The following MAMSTR variants were observed in gnomAD, a reference collection of about 807,000 sequenced individuals.
MAMSTR encodes MEF2 activating motif and SAP domain containing transcriptional regulator, also known as MEF2-activating motif and SAP domain-containing transcriptional regulator.
In MAMSTR, 41 loss-of-function variants were observed where a neutral mutation model predicts 42.7. The observed-to-expected ratio is 0.96, with a 90% confidence interval of 0.75 to 1.25. The LOEUF (loss-of-function observed/expected upper bound fraction) is 1.25, where lower values mean the gene tolerates loss of function less well. Among genes scored for constraint, MAMSTR ranks in the 50% most tolerant of loss-of-function variants. The pLI, the probability that MAMSTR is intolerant of heterozygous loss-of-function variation, is 0.00. For missense variants in MAMSTR, 567 were observed against 557.6 expected, an observed-to-expected ratio of 1.02 and a Z score of -0.17; for synonymous variants, 265 against 244.1, an observed-to-expected ratio of 1.09 and a Z score of -0.80.
At position 48,713,223 on chromosome 19, in the gene MAMSTR, C is replaced by T. The variant is rs759958885; in HGVS notation, c.*44G>A. 2 of 1,526,276 alleles carry T rather than the reference C, an allele frequency of 1.3e-6. No individual in the cohort carries two copies. Among genetic ancestry groups the T allele is most frequent in the Admixed American group, 4.5e-5 (2 of 44,232 alleles). 94.5% of individuals were successfully genotyped at this position (1,526,276 alleles called of 1,614,324 possible). On this transcript the variant is annotated 3_prime_UTR_variant, in exon 10 of 10. Coordinates refer to ENST00000318083, the MANE Select transcript of MAMSTR (RefSeq NM_001130915.2). ...CCCTCTCCTCCCACAAGGAGCTTCTCTCCACCCCCATCAGTTCTCTGTCTC... is the reference window on the plus strand; with the variant it reads ...CCCTCTCCTCCCACAAGGAGCTTCTTTCCACCCCCATCAGTTCTCTGTCTC...
chr19:48,716,680 C>A, intron 3 of MAMSTR, 25 bp downstream of exon 3: 1 of 1,331,820 alleles, frequency 7.5e-7, no homozygotes, highest in Non-Finnish European at 9.7e-7. Flanking sequence ...GTCACCATCC[C>A]CTCCCTTTTG....
At chr19:48,715,230 G>T in intron 5 of MAMSTR, 32 bp downstream of exon 5, 1 of 1,548,256 alleles carries the variant, frequency 6.5e-7, no homozygotes, top group East Asian at 2.3e-5. Flanking sequence ...CTGAATTTCT[G>T]GGTCCCGGGA....
At chr19:48,715,901 G>A in intron 3 of MAMSTR, 134 bp from the exon 4 acceptor site, 1 of 1,449,958 alleles carries the variant, frequency 6.9e-7, no homozygotes, top group Non-Finnish European at 9.0e-7. Flanking sequence ...GCTGGGAGAT[G>A]GGCGCCTGAA....
the MAMSTR span, among the ~76,000 whole-genome samples, chr19:48,706,668 T>G: frequency 6.6e-6 from 1 of 152,060 alleles, no homozygotes; most frequent in Non-Finnish European, 1.5e-5. Flanking sequence ...TTACAACGAT[T>G]TTTTAGATCT....
chr19:48,717,295 G>GT (rs963505776), intron 2 of MAMSTR, among the ~76,000 whole-genome samples: 172 of 149,306 alleles, frequency 1.2e-3, no homozygotes, highest in Middle Eastern at 3.4e-3. Context: ...TGTTAACACT[G>GT]TTTTTTTTTC....
At chr19:48,708,231 CAA>C (rs66744711), downstream of MAMSTR, among the ~76,000 whole-genome samples, 1,318 of 118,604 alleles carry the variant, frequency 0.011, 8 homozygotes, top group African/African-American at 0.037. Flanking sequence ...TGAACTCCAT[CAA>C]AAAAAAAAAA....
rs1051302607 is a variant in MAMSTR at position 48,719,341 on chromosome 19, G to A, written c.-21-289C>T. On this transcript the variant is annotated intron_variant, in intron 1 of 9. Transcript: ENST00000318083. The surrounding 1 kb of genome is among the most constrained non-coding windows in gnomAD (Gnocchi z 4.4). ...CTGGGAGGGGAGGGACCTGGAATCT[G>A]GGACTCCTGGGTCCTGAGGAGGAAG... Among the ~76,000 whole-genome samples, 1 of 152,064 alleles carries A rather than the reference G, an allele frequency of 6.6e-6. No homozygotes were observed. The highest frequency in any genetic ancestry group is 1.9e-4 in the East Asian group (1 of 5,178).
chr19:48,714,544 T>C lies in MAMSTR; in HGVS notation c.545A>G (p.Gln182Arg), dbSNP rs2122303951. ...TGGGAGGCCCCGCAGGCGCAGCTGC[T>C]GCCGGAGCTCTGAGACCTGGGGAGG... ...LEELTVSELR[Q>R]QLRLRGLPVS... Residue 182 changes from glutamine (Q) to arginine (R), a missense_variant, in exon 7 of 10, where the codon CAG becomes CGG. Gln to Arg is a conservative substitution (Grantham distance 43). Coordinates refer to ENST00000318083, the MANE Select transcript of MAMSTR (RefSeq NM_001130915.2). 5 of 1,459,866 alleles carry C rather than the reference T, an allele frequency of 3.4e-6. No homozygotes were observed. Among genetic ancestry groups the C allele is most frequent in the African/African-American group, 2.9e-5 (2 of 69,142 alleles). 90.4% of individuals were successfully genotyped at this position (1,459,866 alleles called of 1,614,324 possible).
chr19:48,717,749 G>C (rs1017461786), intron 2 of MAMSTR, among the ~76,000 whole-genome samples: 4 of 151,946 alleles, frequency 2.6e-5, no homozygotes, highest in African/African-American at 9.7e-5. Flanking sequence ...CTGTCACCCA[G>C]GCTGGAGTGC....
downstream of MAMSTR, among the ~76,000 whole-genome samples, chr19:48,710,256 C>T (rs900713125): frequency 5.4e-5 from 8 of 148,872 alleles, 1 homozygote; most frequent in Admixed American, 2.7e-4. Flanking sequence ...AGGTGTGCAC[C>T]ACCACACCTG....
downstream of MAMSTR, among the ~76,000 whole-genome samples, chr19:48,710,777 C>T (rs1209640437): frequency 6.6e-6 from 1 of 151,496 alleles, no homozygotes; most frequent in Non-Finnish European, 1.5e-5. Context: ...TTACTGGAGA[C>T]TGGGTTTCAC....
In MAMSTR at chr19:48,715,616, G is replaced by T. The variant is rs1449835927; in HGVS notation, c.240+9C>A. The T allele has an allele frequency of 6.5e-7, 1 of 1,532,880 alleles. No individual in the cohort carries two copies. The highest frequency in any genetic ancestry group is 1.4e-5 in the African/African-American group (1 of 71,278). The allele number at this position is 1,532,880 out of a possible 1,614,324, so 95.0% of individuals were successfully genotyped here. On this transcript the variant is annotated intron_variant, in intron 4 of 9. Transcript: ENST00000318083. ...CTCAGAGGGACCTCTCCCTCCAGTCGAGACTCACCTTCTTTGGGGACCTCC... is the reference window on the plus strand; with the variant it reads ...CTCAGAGGGACCTCTCCCTCCAGTCTAGACTCACCTTCTTTGGGGACCTCC...
downstream of MAMSTR, among the ~76,000 whole-genome samples, chr19:48,710,414 CTTTTTTT>C (rs551847729): frequency 9.6e-6 from 1 of 103,766 alleles, no homozygotes; most frequent in Admixed American, 1.1e-4. Flanking sequence ...TGGGCCCAAT[CTTTTTTT>C]TTTTTTTTTT....
At chr19:48,707,838 G>GGGAA (rs2032667124), downstream of MAMSTR, among the ~76,000 whole-genome samples, 1 of 90,902 alleles carries the variant, frequency 1.1e-5, no homozygotes, top group African/African-American at 4.7e-5. Flanking sequence ...AAGAAAGAAA[G>GGGAA]GAAAGAAAGA....
chr19:48,707,888 A>AAAGAAAGAAAGAAAGAAAGAAAGG (rs776827691), downstream of MAMSTR, among the ~76,000 whole-genome samples: 3 of 80,418 alleles, frequency 3.7e-5, no homozygotes, highest in African/African-American at 1.1e-4. Context: ...AGAAAGAAAG[A>AAAGAAAGAAAGAAAGAAAGAAAGG]AAAGAAAGAA....
intron 2 of MAMSTR, 67 bp downstream of exon 2, chr19:48,718,907 C>A: frequency 7.6e-7 from 1 of 1,318,114 alleles, no homozygotes; most frequent in South Asian, 1.3e-5. Context: ...CCACCCCTCC[C>A]TTCCCACCCC....
At position 48,719,150 on chromosome 19, in the gene MAMSTR, C is replaced by T. The variant is rs1293137220; in HGVS notation, c.-21-98G>A. 2 of 832,880 alleles carry T rather than the reference C, an allele frequency of 2.4e-6. No individual in the cohort carries two copies. Among genetic ancestry groups the T allele is most frequent in the East Asian group, 2.7e-5 (1 of 37,054 alleles). The allele number at this position is 832,880 out of a possible 1,614,324, so 51.6% of individuals were successfully genotyped here. On this transcript the variant is annotated intron_variant, in intron 1 of 9. Coordinates refer to ENST00000318083, the MANE Select transcript of MAMSTR (RefSeq NM_001130915.2). The surrounding 1 kb of genome is among the most constrained non-coding windows in gnomAD (Gnocchi z 4.4). ...GAGAGTGAATTCAGCAGGGAAAGGG[C>T]CCGAAGGAGGTGGGAATAGGAGCAG... is the stretch of plus-strand genomic sequence containing the variant.
At chr19:48,718,070 T>C (rs2033113442) in intron 2 of MAMSTR, among the ~76,000 whole-genome samples, 1 of 152,180 alleles carries the variant, frequency 6.6e-6, no homozygotes, top group Non-Finnish European at 1.5e-5. Context: ...CTTGAACTCC[T>C]GACCTCAGGT....
In MAMSTR at chr19:48,714,048, A is replaced by C; in HGVS notation, c.724-3T>G. On this transcript the variant is annotated splice_region_variant and splice_polypyrimidine_tract_variant and intron_variant, in intron 7 of 9. Transcript: ENST00000318083. ...TGAGATGCTGCGCTGGGCTTGACCT[A>C]GAGCAGCCAAGAGGGCGAGCGCCCA... 1 of 1,572,576 alleles carries C rather than the reference A, an allele frequency of 6.4e-7. No homozygotes were observed. The highest frequency in any genetic ancestry group is 8.6e-7 in the Non-Finnish European group (1 of 1,159,682).
Sources: gnomAD v4.1 joint callset for allele counts (sites outside exome capture counted in the v4.1 genomes callset) on GRCh38, gnomAD v4.1.1 for gene constraint, Gnocchi (gnomAD v3.1) non-coding constraint, MANE v1.5 for transcripts, NCBI Gene and HGNC (gene_info 2026-07-23, HGNC 2026-07-21) for gene names.